The following TNKS variants were observed in gnomAD, a reference collection of about 807,000 sequenced individuals.
TNKS encodes tankyrase, also known as poly [ADP-ribose] polymerase tankyrase-1.
TNKS carries 72 observed loss-of-function variants against 135.8 expected under a neutral mutation model. The ratio of observed to expected loss-of-function variants is 0.53; its 90% CI spans 0.44 to 0.64. TNKS has a LOEUF of 0.64. TNKS is among the 30% of genes least tolerant of loss of function. The pLI, the probability that TNKS is intolerant of heterozygous loss-of-function variation, is 0.00. For synonymous variants in TNKS, 849 were observed against 649.3 expected, an observed-to-expected ratio of 1.31 and a Z score of -4.68; for missense variants, 1,769 against 1,674.0, an observed-to-expected ratio of 1.06 and a Z score of -0.99.
chr8:9,607,330 G>T (rs182255660), intron 2 of TNKS, among the ~76,000 whole-genome samples: 174 of 152,260 alleles, frequency 1.1e-3, no homozygotes, highest in African/African-American at 4.1e-3. Context: ...AGTCTTTTCT[G>T]ATAGGCTTTT....
intron 2 of TNKS, among the ~76,000 whole-genome samples, chr8:9,584,301 G>A (rs558277745): frequency 2.6e-4 from 39 of 152,128 alleles, no homozygotes; most frequent in African/African-American, 9.4e-4. Flanking sequence ...TGAGAGGAAT[G>A]CGGAAACTGG....
At chr8:9,725,092 A>G (rs944036662) in intron 12 of TNKS, among the ~76,000 whole-genome samples, 3 of 152,232 alleles carry the variant, frequency 2.0e-5, no homozygotes, top group African/African-American at 7.2e-5. Flanking sequence ...CATAATATAC[A>G]CACAGCATCT....
chr8:9,729,218 T>G (rs772662348), intron 13 of TNKS, among the ~76,000 whole-genome samples: 7 of 152,242 alleles, frequency 4.6e-5, no homozygotes, highest in Non-Finnish European at 1.0e-4. Context: ...AGAGTCCGCA[T>G]GACCCAGTCA....
intron 2 of TNKS, among the ~76,000 whole-genome samples, chr8:9,608,139 C>A (rs1250388754): frequency 1.3e-5 from 2 of 152,086 alleles, no homozygotes; most frequent in African/African-American, 4.8e-5. Context: ...CCAGGTCTCC[C>A]TATGTTGCCC....
At chr8:9,637,879 A>G (rs1349315858) in intron 3 of TNKS, among the ~76,000 whole-genome samples, 1 of 152,164 alleles carries the variant, frequency 6.6e-6, no homozygotes, top group Non-Finnish European at 1.5e-5. Flanking sequence ...ACTATCACCA[A>G]AAGTTTGTGA....
intron 25 of TNKS, among the ~76,000 whole-genome samples, chr8:9,768,637 A>C (rs1311868286): frequency 1.3e-5 from 2 of 152,218 alleles, no homozygotes; most frequent in African/African-American, 4.8e-5. Flanking sequence ...CGGCAGCAAC[A>C]GGCGAGCCCT....
intron 1 of TNKS, among the ~76,000 whole-genome samples, chr8:9,570,882 T>G (rs1298207203): frequency 6.6e-6 from 1 of 152,098 alleles, no homozygotes; most frequent in Non-Finnish European, 1.5e-5. Flanking sequence ...GGTGGGAGAA[T>G]CACTTGAGCA....
At chr8:9,620,411 C>A (rs543488770) in intron 3 of TNKS, among the ~76,000 whole-genome samples, 147 of 152,328 alleles carry the variant, frequency 9.7e-4, no homozygotes, top group Middle Eastern at 3.4e-3. Flanking sequence ...CATAATGGAT[C>A]TCTCTGCCAC....
In TNKS at chr8:9,735,459, T is replaced by C. The variant is rs1805650296; in HGVS notation, c.2616T>C (p.Ile872=). 1 of 1,613,874 alleles carries C rather than the reference T, an allele frequency of 6.2e-7. No homozygotes were observed. The highest frequency in any genetic ancestry group is 8.5e-7 in the Non-Finnish European group (1 of 1,179,942). The part of the protein sequence containing the change: ...DVNAQDKGGL[I]PLHNAASYGH... ...ATGCCCAGGACAAGGGTGGTTTAAT[T>C]CCTCTTCATAATGCGGCATCTTATG... The change falls in exon 17 of 27, where the codon ATT becomes ATC. Residue 872 remains isoleucine (I), a synonymous_variant. Coordinates refer to ENST00000310430, the MANE Select transcript of TNKS (RefSeq NM_003747.3).
At chr8:9,569,294 G>A (rs1473182360) in intron 1 of TNKS, among the ~76,000 whole-genome samples, 4 of 152,196 alleles carry the variant, frequency 2.6e-5, no homozygotes, top group Non-Finnish European at 5.9e-5. Context: ...CACATCATAA[G>A]TGTACCGGGA....
intron 14 of TNKS, among the ~76,000 whole-genome samples, 160 bp downstream of exon 14, chr8:9,731,195 C>T (rs539209523): frequency 6.8e-4 from 104 of 152,302 alleles, no homozygotes; most frequent in Non-Finnish European, 1.2e-3. Context: ...CATGGTGGCT[C>T]ACGCCTGTAA....
chr8:9,570,451 CCAGTCCCTTGCTGG>C (rs1389322748), intron 1 of TNKS, among the ~76,000 whole-genome samples: 2 of 152,174 alleles, frequency 1.3e-5, no homozygotes, highest in Non-Finnish European at 1.5e-5. Flanking sequence ...GGCAGAACCA[CCAGTCCCTTGCTGG>C]CGTGGTGGAC....
At chr8:9,633,480 C>T (rs2128772691) in intron 3 of TNKS, among the ~76,000 whole-genome samples, 1 of 152,258 alleles carries the variant, frequency 6.6e-6, no homozygotes, top group Admixed American at 6.5e-5. Flanking sequence ...AATATGCCAT[C>T]CTTTTTGTCA....
At chr8:9,697,691 T>C (rs1358515962) in intron 5 of TNKS, among the ~76,000 whole-genome samples, 1 of 152,110 alleles carries the variant, frequency 6.6e-6, no homozygotes, top group Admixed American at 6.6e-5. Context: ...AAAATGCTTA[T>C]CATTACTAAT....
chr8:9,672,416 A>G (rs1015487856), intron 3 of TNKS, among the ~76,000 whole-genome samples: 4 of 152,042 alleles, frequency 2.6e-5, no homozygotes, highest in African/African-American at 9.7e-5. Context: ...AGTGAAATAT[A>G]TGACAGCTGT....
chr8:9,585,701 A>G (rs1225667676), intron 2 of TNKS, among the ~76,000 whole-genome samples: 1 of 152,226 alleles, frequency 6.6e-6, no homozygotes, highest in Non-Finnish European at 1.5e-5. Context: ...AGCAAGTGAC[A>G]TTACATTAGA....
Position 9,633,016 on chromosome 8 carries a change from A to T in TNKS, c.994+17339A>T, listed in dbSNP as rs575948308. Among the ~76,000 whole-genome samples the T allele has an allele frequency of 2.6e-5, 4 of 152,334 alleles. No homozygotes were observed. The South Asian group carries it at 8.3e-4, about 32-fold the overall frequency. On this transcript the variant is annotated intron_variant, in intron 3 of 26. Coordinates refer to ENST00000310430, the MANE Select transcript of TNKS (RefSeq NM_003747.3). ...AGTGCTGGAATTACAGGCATGAGCC[A>T]CCGCACCCGGCCCTCTATGTTGTTC...
At chr8:9,621,364 G>C (rs568809390) in intron 3 of TNKS, among the ~76,000 whole-genome samples, 2 of 151,364 alleles carry the variant, frequency 1.3e-5, no homozygotes, top group Non-Finnish European at 2.9e-5. Flanking sequence ...GAGTACAATG[G>C]TGCAGTCTCG....
intron 25 of TNKS, among the ~76,000 whole-genome samples, chr8:9,767,528 G>C (rs1260174555): frequency 6.6e-6 from 1 of 152,164 alleles, no homozygotes; most frequent in Non-Finnish European, 1.5e-5. Flanking sequence ...CAGTAACCTT[G>C]AAATTGTGAT....
Sources: allele counts gnomAD v4.1 joint callset (sites outside exome capture counted in the v4.1 genomes callset), GRCh38; gene constraint gnomAD v4.1.1; transcripts MANE v1.5; gene names NCBI Gene and HGNC (gene_info 2026-07-23, HGNC 2026-07-21).